STIL: variants seen among roughly 807,000 people sequenced by gnomAD.
STIL encodes SCL-interrupting locus protein.
STIL carries 55 observed loss-of-function variants against 110.1 expected under a neutral mutation model. The ratio of observed to expected loss-of-function variants is 0.50; its 90% CI spans 0.40 to 0.63. The LOEUF (loss-of-function observed/expected upper bound fraction) is 0.63. Among genes scored for constraint, STIL ranks in the 20% least tolerant of loss-of-function variants. The pLI, the probability that STIL is intolerant of heterozygous loss-of-function variation, is 0.00. For missense variants in STIL, 1,358 were observed against 1,530.0 expected (o/e 0.89, Z 1.87); for synonymous variants, 481 against 530.0 (o/e 0.91, Z 1.27).
Position 47,305,437 on chromosome 1 carries a change from T to C in STIL, c.45-441A>G, listed in dbSNP as rs1261398546. The C allele has an allele frequency of 3.0e-5, 5 of 165,754 alleles. No homozygotes were observed. In the East Asian group the frequency reaches 9.1e-4, roughly 30 times the overall value. 10.3% of individuals were successfully genotyped at this position (165,754 alleles called of 1,614,324 possible). ...ACTGTGCCTGGCCAAAAAATACTTT[T>C]TTATTTTTTGAGACGGATTCTCACT... is the stretch of plus-strand genomic sequence containing the variant. On this transcript the variant is annotated intron_variant, in intron 2 of 16. Coordinates refer to ENST00000371877, the MANE Select transcript of STIL (RefSeq NM_001048166.1).
At chr1:47,312,195 A>T (rs1040920128) in intron 1 of STIL, among the ~76,000 whole-genome samples, 3 of 152,096 alleles carry the variant, frequency 2.0e-5, no homozygotes, top group Non-Finnish European at 4.4e-5. Context: ...ACGTGCTTCT[A>T]ATAAAATTGA....
rs1350875147 is a variant in STIL at position 47,281,069 on chromosome 1, C to T, written c.1389G>A (p.Lys463=). Residue 463 remains lysine, a synonymous_variant, in exon 12 of 17, where the codon AAG becomes AAA. Transcript: ENST00000371877. ...CATCATAAAGCTGGGGTTGCAATGG[C>T]TTCAAGTGTTCCAAGTGGTTAATCA... ...PPLINHLEHL[K]PLQPQLYDEK... The T allele has an allele frequency of 2.5e-6, 4 of 1,613,992 alleles. No individual in the cohort carries two copies. The highest frequency in any genetic ancestry group is 3.4e-6 in the Non-Finnish European group (4 of 1,180,032).
At chr1:47,310,051 A>C (rs1646077096) in intron 2 of STIL, among the ~76,000 whole-genome samples, 1 of 152,168 alleles carries the variant, frequency 6.6e-6, no homozygotes, top group East Asian at 1.9e-4. Context: ...AACCCCACAC[A>C]ATAATCTTCT....
In STIL at chr1:47,287,650, G is replaced by C. The variant is rs760027532; in HGVS notation, c.1034C>G (p.Pro345Arg). Reference sequence around the variant, plus strand: ...ACAACGGATTGGATTTTTGTCAGGAGGTTCAACATTCTGAAATGAAGTAGG... The same window carrying C: ...ACAACGGATTGGATTTTTGTCAGGACGTTCAACATTCTGAAATGAAGTAGG... ...ETLHLFKNVE[P>R]PDKNPIRCEL... The change falls in exon 10 of 17, where the codon CCT (proline) becomes CGT (arginine). Residue 345 changes from proline to arginine, a missense_variant. Coordinates refer to ENST00000371877, the MANE Select transcript of STIL (RefSeq NM_001048166.1). 2 of 1,612,708 alleles carry C rather than the reference G, an allele frequency of 1.2e-6. No individual in the cohort carries two copies. Among genetic ancestry groups the C allele is most frequent in the East Asian group, 2.2e-5 (1 of 44,780 alleles).
intron 14 of STIL, among the ~76,000 whole-genome samples, chr1:47,268,272 C>G (rs1644713148): frequency 6.6e-6 from 1 of 151,892 alleles, no homozygotes; most frequent in Non-Finnish European, 1.5e-5. Context: ...CATGGGAAGC[C>G]CCATCTCTAC....
At chr1:47,252,611 T>C (rs530818391) in intron 16 of STIL, among the ~76,000 whole-genome samples, 77 of 152,310 alleles carry the variant, frequency 5.1e-4, no homozygotes, top group Middle Eastern at 6.8e-3. Context: ...GATCAGCTAA[T>C]GTTTAATGTA....
rs554863876 is a variant in STIL at position 47,263,357 on chromosome 1, A to C, written c.2616-241T>G. Among the ~76,000 whole-genome samples, 4 of 152,246 alleles carry C rather than the reference A, an allele frequency of 2.6e-5. No homozygotes were observed. In the East Asian group the frequency reaches 7.7e-4, roughly 29 times the overall value. ...AAGAAGTTCAAGATCAGACTGGGGA[A>C]TATATCGAGACCCCATCTCCACAAA... On this transcript the variant is annotated intron_variant, in intron 14 of 16. Transcript: ENST00000371877.
chr1:47,279,991 C>G (rs947893550), intron 12 of STIL, among the ~76,000 whole-genome samples: 7 of 152,076 alleles, frequency 4.6e-5, no homozygotes, highest in African/African-American at 1.7e-4. Flanking sequence ...AAATACAATT[C>G]TATTGTAGGT....
chr1:47,287,808 C>T lies in STIL; in HGVS notation c.1024-148G>A, dbSNP rs564233523. 4.7e-6 allele frequency: 3 copies of T among 637,082 alleles called. No individual in the cohort carries two copies. The East Asian group carries it at 8.5e-5, about 18-fold the overall frequency. 39.5% of individuals were successfully genotyped at this position (637,082 alleles called of 1,614,324 possible). Reference sequence around the variant, plus strand: ...CCCTCTTTTGTAAACTGTCCAGTTCCCTGCTACATAAGTGAAAAAGTTAAT... The same window carrying T: ...CCCTCTTTTGTAAACTGTCCAGTTCTCTGCTACATAAGTGAAAAAGTTAAT... On this transcript the variant is annotated intron_variant, in intron 9 of 16. Transcript: ENST00000371877.
chr1:47,305,083 T>TG, intron 2 of STIL, 87 bp from the exon 3 acceptor site: 1 of 887,552 alleles, frequency 1.1e-6, no homozygotes, highest in Non-Finnish European at 1.9e-6. Context: ...ATCTTTAAGG[T>TG]GATGGTATTT....
At chr1:47,285,315 A>G (rs916545489) in intron 10 of STIL, among the ~76,000 whole-genome samples, 1 of 152,172 alleles carries the variant, frequency 6.6e-6, no homozygotes, top group African/African-American at 2.4e-5. Context: ...TAAAGGGATG[A>G]GCCACTGTGC....
At chr1:47,310,253 T>C (rs1343214474) in intron 2 of STIL, 23 bp downstream of exon 2, 20 of 1,607,800 alleles carry the variant, frequency 1.2e-5, no homozygotes, top group Non-Finnish European at 1.5e-5. Flanking sequence ...GTAAGACAAA[T>C]ATTTGTAAAT....
chr1:47,312,387 A>G (rs1258302573), intron 1 of STIL, among the ~76,000 whole-genome samples: 2 of 151,964 alleles, frequency 1.3e-5, no homozygotes, highest in African/African-American at 4.8e-5. Context: ...CGGGAGGCGG[A>G]GCTTGCAGCG....
chr1:47,251,255 T>C lies in STIL; in HGVS notation c.3748A>G (p.Ile1250Val), dbSNP rs556060250. ...QHPEKENEGD[I>V]TIFPESLQPS... ...TGCAAACTTTCAGGAAAAATTGTAA[T>C]GTCCCCTTCATTTTCTTTCTCAGGA... Residue 1250 changes from isoleucine (I) to valine (V), a missense_variant, in exon 17 of 17, where the codon ATT becomes GTT. Ile to Val is a conservative substitution (Grantham distance 29, BLOSUM62 3). Coordinates refer to ENST00000371877, the MANE Select transcript of STIL (RefSeq NM_001048166.1). 1.2e-6 allele frequency: 2 copies of C among 1,612,136 alleles called. No homozygotes were observed. Among genetic ancestry groups the C allele is most frequent in the East Asian group, 2.2e-5 (1 of 44,848 alleles).
chr1:47,295,031 C>T (rs1645602665), intron 7 of STIL, among the ~76,000 whole-genome samples: 1 of 152,104 alleles, frequency 6.6e-6, no homozygotes, highest in Non-Finnish European at 1.5e-5. Context: ...AAGTGATTCT[C>T]CTGCCTCAGC....
chr1:47,287,560 G>T lies in STIL; in HGVS notation c.1124C>A (p.Ser375Ter). The change falls in exon 10 of 17, where the codon TCA (serine) becomes TAA (stop). Residue 375 changes from serine to a stop codon, truncating the protein, a stop_gained. Coordinates refer to ENST00000371877, the MANE Select transcript of STIL (RefSeq NM_001048166.1). LOFTEE classifies it high-confidence loss of function. Reference sequence around the variant, plus strand: ...CAAAAAGATCTTTTACCTCTTAATTGAAAAATTCTTGGAAGCCTTACTGAA... The same window carrying T: ...CAAAAAGATCTTTTACCTCTTAATTTAAAAATTCTTGGAAGCCTTACTGAA... Reference protein sequence around the residue: ...EFFSKASKNFSIKRSSQKLSS... With the variant: ...EFFSKASKNF 6.2e-7 allele frequency: 1 copy of T among 1,608,312 alleles called. No homozygotes were observed. Among genetic ancestry groups the T allele is most frequent in the South Asian group, 1.1e-5 (1 of 89,656 alleles).
chr1:47,281,320 TGTTC>T (rs1645154364), intron 11 of STIL, 111 bp from the exon 12 acceptor site: 4 of 1,151,804 alleles, frequency 3.5e-6, no homozygotes, highest in Non-Finnish European at 4.8e-6. Context: ...TATTAACAAG[TGTTC>T]ATTCTTTATT....
At chr1:47,305,452 G>T in intron 2 of STIL, 1 of 163,610 alleles carries the variant, frequency 6.1e-6, no homozygotes, top group Non-Finnish European at 1.3e-5. Context: ...TTTTTGAGAC[G>T]GATTCTCACT....
intron 14 of STIL, among the ~76,000 whole-genome samples, chr1:47,263,988 G>C (rs1570053453): frequency 6.6e-6 from 1 of 151,964 alleles, no homozygotes; most frequent in East Asian, 1.9e-4. Context: ...CCTGACCTCA[G>C]GTGATCTGCC....
Sources: allele counts gnomAD v4.1 joint callset (sites outside exome capture counted in the v4.1 genomes callset), GRCh38; gene constraint gnomAD v4.1.1; transcripts MANE v1.5; gene names NCBI Gene and HGNC (gene_info 2026-07-23, HGNC 2026-07-21).